The following LAMB4 variants were observed in gnomAD, a reference collection of about 807,000 sequenced individuals.
LAMB4 encodes the protein laminin subunit beta-4.
Under a neutral mutation model 199.2 loss-of-function variants are expected in LAMB4, and 196 were observed. The ratio of observed to expected loss-of-function variants is 0.98; its 90% CI spans 0.88 to 1.11. The LOEUF is 1.11. LAMB4 is among the 50% of genes least tolerant of loss of function. LAMB4 has a pLI of 0.00. For synonymous variants in LAMB4, 744 were observed against 770.6 expected (o/e 0.97, Z 0.57); for missense variants, 2,080 against 2,171.2 (o/e 0.96, Z 0.83).
chr7:108,043,545 G>GTTTTTTTTTTTTTT (rs748169558), intron 29 of LAMB4, among the ~76,000 whole-genome samples: 15 of 55,966 alleles, frequency 2.7e-4, no homozygotes, highest in Middle Eastern at 0.013. Context: ...TGGCTATGAT[G>GTTTTTTTTTTTTTT]TTTTTTTTTT....
chr7:108,046,912 A>T (rs553454313), intron 28 of LAMB4, among the ~76,000 whole-genome samples: 16 of 151,200 alleles, frequency 1.1e-4, no homozygotes, highest in African/African-American at 3.9e-4. Context: ...TAATTTATAT[A>T]TTTCTTTTAT....
chr7:108,093,615 T>C (rs980377416), intron 12 of LAMB4, among the ~76,000 whole-genome samples: 3 of 152,230 alleles, frequency 2.0e-5, no homozygotes, highest in East Asian at 1.9e-4. Context: ...ATCTTGACCG[T>C]TGTTCAAAAT....
intron 1 of LAMB4, among the ~76,000 whole-genome samples, chr7:108,123,711 T>A (rs2038679186): frequency 6.6e-6 from 1 of 152,228 alleles, no homozygotes; most frequent in Non-Finnish European, 1.5e-5. Context: ...CCATACTTTT[T>A]CCTTGCACAA....
chr7:108,119,901 G>A (rs2038540734), intron 2 of LAMB4, among the ~76,000 whole-genome samples: 2 of 152,116 alleles, frequency 1.3e-5, no homozygotes, highest in Admixed American at 6.6e-5. Context: ...CTCTCTCTGT[G>A]TTATTTCTTA....
chr7:108,106,445 C>A, intron 7 of LAMB4, 64 bp downstream of exon 7: 2 of 959,366 alleles, frequency 2.1e-6, no homozygotes, highest in Non-Finnish European at 3.2e-6. Context: ...AAAGCAATTA[C>A]AAGGAATATG....
At chr7:108,016,316 C>T in the LAMB4 span, among the ~76,000 whole-genome samples, 1 of 130,524 alleles carries the variant, frequency 7.7e-6, no homozygotes, top group East Asian at 2.3e-4. Context: ...TGGAGTCTCG[C>T]TCTGTTGCTC....
chr7:108,126,308 A>G (rs2038775984), intron 1 of LAMB4, among the ~76,000 whole-genome samples: 1 of 152,138 alleles, frequency 6.6e-6, no homozygotes, highest in African/African-American at 2.4e-5. Flanking sequence ...ATTGTGTGCA[A>G]CCGATCTCCA....
chr7:108,044,004 C>T, intron 28 of LAMB4, 108 bp from the exon 29 acceptor site: 1 of 914,054 alleles, frequency 1.1e-6, no homozygotes, highest in Non-Finnish European at 1.6e-6. Context: ...TCACTAAAAA[C>T]TAAATAAAAG....
chr7:108,054,837 C>T (rs1292729031), intron 25 of LAMB4, among the ~76,000 whole-genome samples: 1 of 152,138 alleles, frequency 6.6e-6, no homozygotes, highest in Non-Finnish European at 1.5e-5. Context: ...AAACTATCAA[C>T]ATAATCTCAA....
intron 9 of LAMB4, among the ~76,000 whole-genome samples, 153 bp from the exon 10 acceptor site, chr7:108,103,385 A>G (rs951228369): frequency 5.3e-5 from 8 of 152,170 alleles, no homozygotes; most frequent in Admixed American, 2.6e-4. Flanking sequence ...CAGGGCCAAA[A>G]TGTGTGCCCT....
In LAMB4 at chr7:108,048,117, A is replaced by C; in HGVS notation, c.4123-6T>G. On this transcript the variant is annotated splice_region_variant and splice_polypyrimidine_tract_variant and intron_variant, in intron 27 of 33. Transcript: ENST00000388781. ...TTTCCTGGATCTCCGCACACCTTGC[A>C]AGAGAAATGATTTACGTTAAATAGC... 6.3e-7 allele frequency: 1 copy of C among 1,590,920 alleles called. No individual in the cohort carries two copies. Among genetic ancestry groups the C allele is most frequent in the Non-Finnish European group, 8.6e-7 (1 of 1,164,846 alleles).
intron 28 of LAMB4, among the ~76,000 whole-genome samples, chr7:108,045,204 T>C (rs891907423): frequency 3.3e-5 from 5 of 152,122 alleles, no homozygotes; most frequent in Admixed American, 2.0e-4. Context: ...TAAGAATGGA[T>C]TGCAGTAAAA....
intron 14 of LAMB4, among the ~76,000 whole-genome samples, chr7:108,089,865 T>A (rs1268436745): frequency 2.0e-5 from 3 of 152,156 alleles, no homozygotes; most frequent in East Asian, 1.9e-4. Context: ...GGGACCTCAC[T>A]ATGTTGTCCA....
At chr7:108,058,025 C>A in intron 23 of LAMB4, 97 bp from the exon 24 acceptor site, 1 of 807,374 alleles carries the variant, frequency 1.2e-6, no homozygotes, top group East Asian at 2.6e-5. Flanking sequence ...TGAATTAGAA[C>A]ATACAGCTGT....
chr7:108,054,985 T>C (rs1220183880), intron 25 of LAMB4, among the ~76,000 whole-genome samples: 1 of 152,244 alleles, frequency 6.6e-6, no homozygotes, highest in Non-Finnish European at 1.5e-5. Flanking sequence ...TGGGAAGGTT[T>C]GGTAAATTTT....
intron 31 of LAMB4, among the ~76,000 whole-genome samples, chr7:108,032,402 A>T (rs1484702824): frequency 2.0e-5 from 3 of 152,128 alleles, no homozygotes; most frequent in East Asian, 1.9e-4. Flanking sequence ...AAAAATAAAA[A>T]AAAAAAATCT....
rs1216035847 is a variant in LAMB4, at chr7:108,045,803, C to T, written c.4327-1907G>A. Among the ~76,000 whole-genome samples the T allele has an allele frequency of 3.9e-5, 6 of 152,202 alleles. 1 individual carries two copies. In the East Asian group the frequency reaches 9.6e-4, roughly 24 times the overall value. On this transcript the variant is annotated intron_variant, in intron 28 of 33. Coordinates refer to ENST00000388781, the MANE Select transcript of LAMB4 (RefSeq NM_007356.3). ...GGATATTTGTTAAAGCAATGAAGAA[C>T]GACATGTGAATGGAAAATGATGTGG...
chr7:108,116,086 A>G lies in LAMB4; in HGVS notation c.110T>C (p.Val37Ala), dbSNP rs1474994349. Residue 37 changes from valine (V) to alanine (A), a missense_variant, in exon 3 of 34, where the codon GTG becomes GCG. Transcript: ENST00000388781. ...ACHPTTGDLL[V>A]GRNTQLMASS... ...AGCCATAAGCTGCGTGTTCCTGCCC[A>G]CCAGGAGATCACCAGTGGTGGGATG... The G allele has an allele frequency of 6.2e-7, 1 of 1,614,080 alleles. No homozygotes were observed. The highest frequency in any genetic ancestry group is 1.3e-5 in the African/African-American group (1 of 75,050).
chr7:108,065,999 A>C (rs1229774761), intron 20 of LAMB4, 80 bp from the exon 21 acceptor site: 33 of 1,353,308 alleles, frequency 2.4e-5, no homozygotes, highest in Non-Finnish European at 3.2e-5. Flanking sequence ...CTATGCTTTA[A>C]AACAGTGCAC....
Sources: allele counts gnomAD v4.1 joint callset (sites outside exome capture counted in the v4.1 genomes callset), GRCh38; gene constraint gnomAD v4.1.1; transcripts MANE v1.5; gene names NCBI Gene and HGNC (gene_info 2026-07-23, HGNC 2026-07-21).